TLCD4: variants seen among roughly 807,000 people sequenced by gnomAD.
TLCD4 encodes the protein TLC domain-containing protein 4.
A neutral mutation model predicts 24.2 loss-of-function variants in TLCD4; 7 were observed. That is an observed-to-expected ratio of 0.29 (90% CI 0.16 to 0.54). The LOEUF (loss-of-function observed/expected upper bound fraction) is 0.54. TLCD4 is among the 20% of genes least tolerant of loss of function. TLCD4 has a pLI of 0.95. For missense variants in TLCD4, 259 were observed against 313.9 expected (o/e 0.82, Z 1.32); for synonymous variants, 103 against 106.4 (o/e 0.97, Z 0.20).
At chr1:95,115,918 C>CCA (rs1354856689), upstream of TLCD4, among the ~76,000 whole-genome samples, 22 of 152,098 alleles carry the variant, frequency 1.4e-4, no homozygotes, top group Non-Finnish European at 5.9e-5. Context: ...ACCATCCTGC[C>CCA]CACAGAGAGT....
intron 6 of TLCD4, among the ~76,000 whole-genome samples, chr1:95,174,689 A>AT (rs914121234): frequency 3.9e-5 from 6 of 151,942 alleles, no homozygotes; most frequent in Non-Finnish European, 7.4e-5. Flanking sequence ...TAAAAAATTT[A>AT]TTTTTTTTAA....
the TLCD4 span, among the ~76,000 whole-genome samples, chr1:95,106,289 G>C: frequency 2.6e-5 from 4 of 152,068 alleles, no homozygotes; most frequent in African/African-American, 9.7e-5. Flanking sequence ...AAATTATCTT[G>C]TATTTTCTAC....
At chr1:95,146,581 C>T (rs1017697413) in intron 2 of TLCD4, among the ~76,000 whole-genome samples, 6 of 151,990 alleles carry the variant, frequency 3.9e-5, no homozygotes, top group African/African-American at 1.4e-4. Flanking sequence ...TGGGTAATAT[C>T]TTGGAATTTC....
chr1:95,156,439 G>GA (rs1336118414), intron 5 of TLCD4, among the ~76,000 whole-genome samples: 1 of 149,876 alleles, frequency 6.7e-6, no homozygotes, highest in Non-Finnish European at 1.5e-5. Context: ...TAGGTGGAGT[G>GA]AAAATTCAGA....
intron 5 of TLCD4, chr1:95,165,104 C>T (rs186694048): frequency 6.6e-6 from 1 of 152,266 alleles, no homozygotes; most frequent in Admixed American, 6.5e-5. Context: ...CCCTGTCATT[C>T]CAATCTTGGG....
chr1:95,155,278 A>G (rs1455092187), intron 5 of TLCD4, among the ~76,000 whole-genome samples: 1 of 152,102 alleles, frequency 6.6e-6, no homozygotes, highest in East Asian at 1.9e-4. Flanking sequence ...GGAAGGGATC[A>G]GAAAAATCCT....
intron 1 of TLCD4, among the ~76,000 whole-genome samples, chr1:95,118,956 G>T (rs1676504099): frequency 6.6e-6 from 1 of 152,014 alleles, no homozygotes; most frequent in African/African-American, 2.4e-5. Flanking sequence ...TTCTACGCCT[G>T]CAACTCCTTT....
chr1:95,093,994 C>T, the TLCD4 span, among the ~76,000 whole-genome samples: 8 of 151,932 alleles, frequency 5.3e-5, no homozygotes, highest in African/African-American at 9.7e-5. Flanking sequence ...TCATTGTGTC[C>T]GGGTTGGCCT....
the TLCD4 span, among the ~76,000 whole-genome samples, chr1:95,096,182 G>T: frequency 6.6e-6 from 1 of 152,254 alleles, no homozygotes; most frequent in African/African-American, 2.4e-5. Flanking sequence ...TTTAAGTAGA[G>T]GAGTGACATT....
intron 4 of TLCD4, 134 bp from the exon 5 acceptor site, chr1:95,151,187 GACTA>G (rs1677482007): frequency 3.6e-6 from 3 of 824,996 alleles, no homozygotes; most frequent in Non-Finnish European, 5.9e-6. Context: ...TAGATAATCA[GACTA>G]ACTGAGGGAT....
At position 95,144,020 on chromosome 1, in the gene TLCD4, G is replaced by T; in HGVS notation, c.119G>T (p.Ser40Ile). ...GCAAAAGTTTCTCCAGGTTTCAATA[G>T]TCTCAGCTTCAAAAAGAAGATTGAA... ...FSAKVSPGFN[S>I]LSFKKKIEWN... Residue 40 changes from serine (S) to isoleucine (I), a missense_variant, in exon 2 of 7, where the codon AGT (serine) becomes ATT (isoleucine). Physicochemically the swap from Ser to Ile is moderately radical, Grantham distance 142. Coordinates refer to ENST00000370203, the MANE Select transcript of TLCD4 (RefSeq NM_152487.3). 6.4e-7 allele frequency: 1 copy of T among 1,553,202 alleles called. No homozygotes were observed. Among genetic ancestry groups the T allele is most frequent in the Admixed American group, 2.0e-5 (1 of 50,162 alleles).
intron 5 of TLCD4, among the ~76,000 whole-genome samples, chr1:95,162,126 G>A (rs2100966867): frequency 6.6e-6 from 1 of 152,244 alleles, no homozygotes; most frequent in South Asian, 2.1e-4. Flanking sequence ...TTATTATTGT[G>A]TGGGAGTCTA....
At chr1:95,188,343 G>A (rs1434045907) in intron 6 of TLCD4, among the ~76,000 whole-genome samples, 20 of 146,898 alleles carry the variant, frequency 1.4e-4, no homozygotes, top group Admixed American at 5.6e-4. Flanking sequence ...AGCCAAGATC[G>A]CGCCACTGTA....
chr1:95,106,573 G>A, the TLCD4 span, among the ~76,000 whole-genome samples: 1 of 152,030 alleles, frequency 6.6e-6, no homozygotes, highest in Non-Finnish European at 1.5e-5. Flanking sequence ...CATGCCTGTG[G>A]TCCAAGCTAC....
the TLCD4 span, among the ~76,000 whole-genome samples, chr1:95,095,644 G>A: frequency 2.0e-5 from 3 of 152,096 alleles, no homozygotes; most frequent in Admixed American, 6.6e-5. Context: ...TGATCCACCC[G>A]CCTCAGCCTC....
At chr1:95,136,337 T>C (rs1677041004) in intron 1 of TLCD4, among the ~76,000 whole-genome samples, 1 of 152,206 alleles carries the variant, frequency 6.6e-6, no homozygotes, top group Non-Finnish European at 1.5e-5. Context: ...TGTATGGCTA[T>C]TATGCCAAGT....
intron 1 of TLCD4, among the ~76,000 whole-genome samples, chr1:95,125,324 C>G (rs1233101440): frequency 3.9e-5 from 6 of 152,100 alleles, no homozygotes; most frequent in Admixed American, 3.9e-4. Context: ...TGAAGTAGTT[C>G]AAGGAAACAT....
At chr1:95,148,063 T>A (rs1677396336) in intron 2 of TLCD4, among the ~76,000 whole-genome samples, 1 of 152,196 alleles carries the variant, frequency 6.6e-6, no homozygotes, top group African/African-American at 2.4e-5. Context: ...TTTATGGTCC[T>A]CAATTTTTCT....
chr1:95,092,708 C>T, the TLCD4 span, among the ~76,000 whole-genome samples: 3 of 151,820 alleles, frequency 2.0e-5, no homozygotes, highest in Non-Finnish European at 2.9e-5. Context: ...AAACTCCAGA[C>T]GCGCCACCTT....
Sources: allele counts gnomAD v4.1 joint callset (sites outside exome capture counted in the v4.1 genomes callset), GRCh38; gene constraint gnomAD v4.1.1; transcripts MANE v1.5; gene names NCBI Gene and HGNC (gene_info 2026-07-23, HGNC 2026-07-21).